Variants in CLNK observed in about 807,000 individuals in gnomAD.
The protein encoded by CLNK is cytokine dependent hematopoietic cell linker, also known as cytokine-dependent hematopoietic cell linker.
Under a neutral mutation model 68.6 loss-of-function variants are expected in CLNK, and 74 were observed. The ratio of observed to expected loss-of-function variants is 1.08; its 90% CI spans 0.89 to 1.31. CLNK has a LOEUF of 1.31. Among genes scored for constraint, CLNK ranks in the 50% most tolerant of loss-of-function variants. The pLI is 0.00. For missense variants in CLNK, 553 were observed against 515.3 expected, an observed-to-expected ratio of 1.07 and a Z score of -0.71; for synonymous variants, 198 against 172.2, an observed-to-expected ratio of 1.15 and a Z score of -1.17.
chr4:10,664,669 G>T (rs1375790418), intron 2 of CLNK, among the ~76,000 whole-genome samples: 2 of 152,182 alleles, frequency 1.3e-5, no homozygotes, highest in African/African-American at 4.8e-5. Flanking sequence ...GCCTGGGCTG[G>T]GCTGTAGCAG....
At chr4:10,734,709 G>T in the CLNK span, among the ~76,000 whole-genome samples, 84 of 152,288 alleles carry the variant, frequency 5.5e-4, no homozygotes, top group Admixed American at 5.5e-3. Context: ...TGGCCCCCTT[G>T]TAAGGATCTT....
At chr4:10,731,008 A>T in the CLNK span, among the ~76,000 whole-genome samples, 1 of 152,240 alleles carries the variant, frequency 6.6e-6, no homozygotes, top group Non-Finnish European at 1.5e-5. Context: ...CACGCATACA[A>T]TGTGTAATAA....
intron 2 of CLNK, among the ~76,000 whole-genome samples, chr4:10,622,363 T>G (rs1052848198): frequency 6.6e-5 from 10 of 152,238 alleles, no homozygotes; most frequent in African/African-American, 2.2e-4. Context: ...TATGTCACTT[T>G]GTTTATTCTT....
intron 16 of CLNK, among the ~76,000 whole-genome samples, chr4:10,509,374 C>T (rs760400713): frequency 1.4e-4 from 22 of 152,120 alleles, no homozygotes; most frequent in Non-Finnish European, 2.9e-4. Context: ...CAGCCATGGG[C>T]CTGGCCAGAC....
chr4:10,587,175 A>G (rs1354777428), intron 3 of CLNK, among the ~76,000 whole-genome samples: 1 of 152,166 alleles, frequency 6.6e-6, no homozygotes, highest in Non-Finnish European at 1.5e-5. Context: ...CATGTTGGCC[A>G]GGCTGGTCTC....
At chr4:10,607,774 A>C (rs921065469) in intron 2 of CLNK, among the ~76,000 whole-genome samples, 2 of 152,212 alleles carry the variant, frequency 1.3e-5, no homozygotes, top group East Asian at 1.9e-4. Flanking sequence ...CCAGCTGAAT[A>C]GGACTGAGGG....
intron 11 of CLNK, among the ~76,000 whole-genome samples, chr4:10,539,257 T>C (rs147976972): frequency 6.6e-6 from 1 of 152,294 alleles, no homozygotes; most frequent in East Asian, 1.9e-4. Context: ...AAGAAGGTGT[T>C]TCTTGGAAAA....
At chr4:10,725,471 G>T in the CLNK span, among the ~76,000 whole-genome samples, 3 of 152,018 alleles carry the variant, frequency 2.0e-5, no homozygotes, top group East Asian at 1.9e-4. Flanking sequence ...CTGCAAGGAC[G>T]CCCGTGCAGG....
At chr4:10,538,830 G>A (rs1440990443) in intron 11 of CLNK, among the ~76,000 whole-genome samples, 1 of 152,180 alleles carries the variant, frequency 6.6e-6, no homozygotes, top group Non-Finnish European at 1.5e-5. Context: ...GGGCAACATA[G>A]GTACCAATGG....
chr4:10,547,805 T>C (rs1329193207), intron 8 of CLNK, among the ~76,000 whole-genome samples: 1 of 152,170 alleles, frequency 6.6e-6, no homozygotes, highest in Non-Finnish European at 1.5e-5. Context: ...ATCAGTATTG[T>C]CATAAATGGA....
chr4:10,676,046 A>AGTGTGTGT (rs34091285), intron 1 of CLNK, among the ~76,000 whole-genome samples: 1 of 148,714 alleles, frequency 6.7e-6, no homozygotes. Flanking sequence ...GAGCCAGAAG[A>AGTGTGTGT]GTGTGTGTGT....
intron 3 of CLNK, among the ~76,000 whole-genome samples, chr4:10,591,073 T>C (rs1408270500): frequency 1.3e-5 from 2 of 152,104 alleles, no homozygotes; most frequent in Admixed American, 6.6e-5. Flanking sequence ...GTGGGGACTA[T>C]GGTTTGGAAA....
intron 10 of CLNK, 81 bp downstream of exon 10, chr4:10,541,941 G>T: frequency 9.6e-7 from 1 of 1,041,960 alleles, no homozygotes; most frequent in Non-Finnish European, 1.4e-6. Context: ...AATGTCAAAT[G>T]TTTGTGTTTC....
upstream of CLNK, among the ~76,000 whole-genome samples, chr4:10,687,182 C>A (rs1725301193): frequency 6.8e-6 from 1 of 146,964 alleles, no homozygotes. Flanking sequence ...AGCCACTGGG[C>A]AAGCTGTGGG....
At chr4:10,678,441 C>T (rs1406538082) in intron 1 of CLNK, among the ~76,000 whole-genome samples, 2 of 152,070 alleles carry the variant, frequency 1.3e-5, no homozygotes, top group African/African-American at 4.8e-5. Flanking sequence ...GAAGGTATTC[C>T]AAAATAATTT....
the CLNK span, among the ~76,000 whole-genome samples, chr4:10,698,196 G>C: frequency 6.6e-6 from 1 of 152,104 alleles, no homozygotes; most frequent in Non-Finnish European, 1.5e-5. Context: ...GGTGAGAGTG[G>C]TGTCATTGGT....
At chr4:10,623,242 G>A (rs543181714) in intron 2 of CLNK, among the ~76,000 whole-genome samples, 7 of 152,192 alleles carry the variant, frequency 4.6e-5, no homozygotes, top group South Asian at 2.1e-4. Flanking sequence ...TAGGTTTTTC[G>A]AGATGGATAC....
intron 1 of CLNK, among the ~76,000 whole-genome samples, chr4:10,668,494 G>C (rs1724496814): frequency 6.6e-6 from 1 of 152,186 alleles, no homozygotes; most frequent in South Asian, 2.1e-4. Context: ...CAAAGGCCCT[G>C]AGAGGTGTAA....
chr4:10,632,463 C>T (rs1338267057), intron 2 of CLNK, among the ~76,000 whole-genome samples: 1 of 152,258 alleles, frequency 6.6e-6, no homozygotes, highest in African/African-American at 2.4e-5. Context: ...GCATATCAGA[C>T]TATACAACTT....
Sources: allele counts gnomAD v4.1 joint callset (sites outside exome capture counted in the v4.1 genomes callset), GRCh38; gene constraint gnomAD v4.1.1; transcripts MANE v1.5; gene names NCBI Gene and HGNC (gene_info 2026-07-23, HGNC 2026-07-21).